UBE4A: variants seen among roughly 807,000 people sequenced by gnomAD.
UBE4A encodes ubiquitin conjugation factor E4 A.
In UBE4A, 48 loss-of-function variants were observed where a neutral mutation model predicts 117.9. The observed-to-expected ratio is 0.41, with a 90% CI of 0.32 to 0.52. The LOEUF (loss-of-function observed/expected upper bound fraction) is 0.52. Ranked by LOEUF, UBE4A falls within the 20% of genes least tolerant of loss-of-function variation. The pLI, the probability that UBE4A is intolerant of heterozygous loss-of-function variation, is 0.33. For missense variants in UBE4A, 1,067 were observed against 1,296.3 expected (o/e 0.82, Z 2.72); for synonymous variants, 407 against 450.0 (o/e 0.90, Z 1.21).
intron 13 of UBE4A, among the ~76,000 whole-genome samples, chr11:118,383,526 G>C (rs2510214): frequency 1.4e-5 from 2 of 147,024 alleles, no homozygotes; most frequent in African/African-American, 5.0e-5. Context: ...TCGGGAGGCA[G>C]AGGTGGCAGT....
intron 19 of UBE4A, among the ~76,000 whole-genome samples, chr11:118,393,107 C>T (rs1408962836): frequency 2.0e-5 from 3 of 152,274 alleles, no homozygotes; most frequent in Non-Finnish European, 4.4e-5. Flanking sequence ...CTAACCTCAC[C>T]TCTTCCTGCC....
intron 1 of UBE4A, among the ~76,000 whole-genome samples, chr11:118,364,347 G>C (rs1332949422): frequency 1.3e-5 from 2 of 152,064 alleles, no homozygotes; most frequent in African/African-American, 4.8e-5. Flanking sequence ...ATTATTTTAA[G>C]AAATCAGGTA....
chr11:118,371,437 A>C (rs922163543), intron 4 of UBE4A, 77 bp from the exon 5 acceptor site: 3 of 1,477,740 alleles, frequency 2.0e-6, no homozygotes, highest in African/African-American at 2.8e-5. Context: ...AACCTGTGTC[A>C]GAATTACCTT....
At chr11:118,381,547 T>C in intron 12 of UBE4A, 24 bp downstream of exon 12, 1 of 1,612,766 alleles carries the variant, frequency 6.2e-7, no homozygotes. Flanking sequence ...AGCTTGGTTC[T>C]GTCACTGTTT....
chr11:118,360,939 GGCA>G (rs1948515080), intron 1 of UBE4A, among the ~76,000 whole-genome samples: 1 of 151,216 alleles, frequency 6.6e-6, no homozygotes, highest in African/African-American at 2.4e-5. Flanking sequence ...ATCTCTGTAT[GGCA>G]GTTGAAAATA....
chr11:118,386,859 G>C (rs1948764071), intron 16 of UBE4A, among the ~76,000 whole-genome samples: 1 of 152,124 alleles, frequency 6.6e-6, no homozygotes, highest in Non-Finnish European at 1.5e-5. Flanking sequence ...CTTTCTTGAG[G>C]ACAAGTTAGC....
In UBE4A at chr11:118,375,063, G is replaced by C. The variant is rs1475889596; in HGVS notation, c.1284G>C (p.Met428Ile). The C allele has an allele frequency of 1.1e-5, 17 of 1,614,200 alleles. No individual in the cohort carries two copies. The highest frequency in any genetic ancestry group is 1.7e-5 in the Admixed American group (1 of 60,014). The change falls in exon 9 of 20, where the codon ATG (methionine) becomes ATC (isoleucine). Residue 428 changes from methionine to isoleucine, a missense_variant. By Grantham distance (10) the Met-to-Ile change is conservative. Transcript: ENST00000252108. The part of the protein sequence containing the change: ...ANQMPEIFFQ[M>I]YASDAFFLNL... ...AGATGCCAGAAATCTTTTTCCAAATGTATGCCTCAGATGCTTTCTTTCTGA... is the reference window on the plus strand; with the variant it reads ...AGATGCCAGAAATCTTTTTCCAAATCTATGCCTCAGATGCTTTCTTTCTGA...
intron 1 of UBE4A, 49 bp from the exon 2 acceptor site, chr11:118,364,991 G>T: frequency 7.1e-7 from 1 of 1,417,052 alleles, no homozygotes; most frequent in Non-Finnish European, 9.4e-7. Flanking sequence ...GTATATTACA[G>T]CTATTGTGTC....
intron 18 of UBE4A, 50 bp downstream of exon 18, chr11:118,390,854 C>A (rs1555128302): frequency 6.3e-7 from 1 of 1,594,614 alleles, no homozygotes; most frequent in South Asian, 1.1e-5. Context: ...ACCACGTTGT[C>A]AGCCAGGCAT....
intron 10 of UBE4A, chr11:118,378,388 T>G (rs1948672351): frequency 6.6e-6 from 1 of 152,134 alleles, no homozygotes. Flanking sequence ...TAAAGAAGAT[T>G]CTAGAAATGT....
chr11:118,395,548 T>G (rs183341250), intron 19 of UBE4A, among the ~76,000 whole-genome samples: 1 of 152,352 alleles, frequency 6.6e-6, no homozygotes, highest in Admixed American at 6.5e-5. Context: ...ATAATCTGCA[T>G]GTACTTGCAT....
intron 1 of UBE4A, among the ~76,000 whole-genome samples, chr11:118,364,684 A>AT (rs1297538512): frequency 1.3e-5 from 2 of 152,104 alleles, no homozygotes; most frequent in Non-Finnish European, 2.9e-5. Context: ...TCAGTGCCAC[A>AT]TTGTTATTAC....
intron 11 of UBE4A, among the ~76,000 whole-genome samples, chr11:118,380,146 T>C (rs911033714): frequency 2.0e-5 from 2 of 98,912 alleles, no homozygotes; most frequent in East Asian, 8.3e-4. Context: ...TGTGTGTGTG[T>C]GTGTGTGTGT....
At position 118,373,217 on chromosome 11, in the gene UBE4A, C is replaced by T. The variant is rs553583065; in HGVS notation, c.853C>T (p.Leu285Phe). The T allele has an allele frequency of 3.0e-5, 48 of 1,613,860 alleles. No individual in the cohort carries two copies. In the South Asian group the frequency reaches 4.7e-4, roughly 16 times the overall value. The change falls in exon 7 of 20, where the codon CTC becomes TTC. Residue 285 changes from leucine (L) to phenylalanine (F), a missense_variant. Physicochemically the swap from Leu to Phe is conservative, Grantham distance 22 (BLOSUM62 0). This residue lies in a region of UBE4A where 1,001 missense variants were observed against 1,184.0 expected (regional missense o/e 0.85). Transcript: ENST00000252108. ...ATTGGGCCGAATAAAAGATCTAGAG[C>T]TCTGTCAGATCCTTTTGTATGCATA... Reference protein sequence around the residue: ...ILLGRIKDLELCQILLYAYLD... With the variant: ...ILLGRIKDLEFCQILLYAYLD...
Position 118,365,163 on chromosome 11 carries a change from T to G in UBE4A, c.83T>G (p.Phe28Cys). 1 of 1,612,864 alleles carries G rather than the reference T, an allele frequency of 6.2e-7. No homozygotes were observed. Among genetic ancestry groups the G allele is most frequent in the Non-Finnish European group, 8.5e-7 (1 of 1,179,520 alleles). The change falls in exon 2 of 20, where the codon TTT becomes TGT. Residue 28 changes from phenylalanine (F) to cysteine (C), a missense_variant. Coordinates refer to ENST00000252108, the MANE Select transcript of UBE4A (RefSeq NM_001204077.2). ...LFGSLADAKQ[F>C]AAIQKEQLKQ... ...GGCTCCCTGGCTGATGCCAAACAGT[T>G]TGCGGCAATCCAAAAAGAGCAGCTG...
In UBE4A at chr11:118,382,718, G is replaced by A. The variant is rs781852263; in HGVS notation, c.2139G>A (p.Gln713=). ...GGAAACGTGTGTTCTGCAACTTTCA[G>A]TATGCACCCCAACTTGCAGAGGCTC... is the stretch of plus-strand genomic sequence containing the variant. ...FHRKRVFCNF[Q]YAPQLAEALI... Residue 713 remains glutamine, a synonymous_variant, in exon 13 of 20, where the codon CAG becomes CAA. Transcript: ENST00000252108. 6.2e-7 allele frequency: 1 copy of A among 1,603,696 alleles called. No individual in the cohort carries two copies. The highest frequency in any genetic ancestry group is 8.5e-7 in the Non-Finnish European group (1 of 1,174,142).
chr11:118,372,482 C>G, intron 5 of UBE4A, 25 bp from the exon 6 acceptor site: 4 of 1,593,408 alleles, frequency 2.5e-6, no homozygotes, highest in Non-Finnish European at 2.6e-6. Context: ...TAGACTATTC[C>G]CTCTTTTCTT....
intron 11 of UBE4A, among the ~76,000 whole-genome samples, chr11:118,380,903 C>G (rs1247330399): frequency 6.6e-6 from 1 of 152,180 alleles, no homozygotes; most frequent in African/African-American, 2.4e-5. Context: ...CTTTTATACC[C>G]TAATCTTGGA....
rs1948873003 is a variant in UBE4A at position 118,396,394 on chromosome 11, A to G, written c.3155A>G (p.Gln1052Arg). The change falls in exon 20 of 20, where the codon CAA becomes CGA. Residue 1052 changes from glutamine (Q) to arginine (R), a missense_variant. Physicochemically the swap from Gln to Arg is conservative, Grantham distance 43. This residue lies in a region of UBE4A where 32 missense variants were observed against 34.5 expected (regional missense o/e 0.93). Transcript: ENST00000252108. ...RPNTELKEKI[Q>R]RWLAERKQQK... ...AACACAGAACTAAAAGAAAAAATCC[A>G]ACGGTGGCTTGCAGAGAGGAAACAA... The G allele has an allele frequency of 1.2e-6, 2 of 1,614,066 alleles. No individual in the cohort carries two copies. The highest frequency in any genetic ancestry group is 1.7e-4 in the Middle Eastern group (1 of 6,060).
Sources: allele counts gnomAD v4.1 joint callset (sites outside exome capture counted in the v4.1 genomes callset), GRCh38; gene constraint gnomAD v4.1.1; regional missense constraint gnomAD v4.1.1; transcripts MANE v1.5; gene names NCBI Gene and HGNC (gene_info 2026-07-23, HGNC 2026-07-21).